Variants in TULP2 observed in about 807,000 individuals in gnomAD.
TULP2 encodes the protein tubby-related protein 2.
TULP2 carries 64 observed loss-of-function variants against 60.3 expected under a neutral mutation model. That is an observed-to-expected ratio of 1.06 (90% CI 0.87 to 1.31). The LOEUF is 1.31. TULP2 is among the 50% of genes most tolerant of loss of function. TULP2 has a pLI of 0.00. For missense variants in TULP2, 652 were observed against 667.0 expected (o/e 0.98, Z 0.25); for synonymous variants, 267 against 265.4 (o/e 1.01, Z -0.06).
At chr19:48,895,846 T>C (rs553302086) in intron 4 of TULP2, among the ~76,000 whole-genome samples, 38 of 152,120 alleles carry the variant, frequency 2.5e-4, no homozygotes, top group African/African-American at 8.7e-4. Flanking sequence ...GCCATTGTAC[T>C]CCAGCTTTGG....
intron 6 of TULP2, among the ~76,000 whole-genome samples, chr19:48,893,047 A>T (rs910529336): frequency 6.6e-6 from 1 of 151,952 alleles, no homozygotes; most frequent in South Asian, 2.1e-4. Flanking sequence ...GTTCAAGACC[A>T]GCCTAGGCAA....
chr19:48,886,132 C>T (rs2037177098), intron 8 of TULP2, among the ~76,000 whole-genome samples: 1 of 151,868 alleles, frequency 6.6e-6, no homozygotes, highest in Non-Finnish European at 1.5e-5. Context: ...CGGTGAAACC[C>T]CGTCTCTACT....
intron 4 of TULP2, 121 bp downstream of exon 4, chr19:48,896,309 C>G: frequency 7.3e-7 from 1 of 1,367,160 alleles, no homozygotes; most frequent in Non-Finnish European, 9.7e-7. Flanking sequence ...GGCCAAGGCC[C>G]GCCCCCATCC....
chr19:48,884,232 G>A (rs73061670), intron 9 of TULP2, among the ~76,000 whole-genome samples, 186 bp from the exon 10 acceptor site: 1,627 of 152,146 alleles, frequency 0.011, 15 homozygotes, highest in Non-Finnish European at 0.016. Context: ...AGGAGGCAGA[G>A]GCAGGAGGAT....
chr19:48,887,311 CTTTTTTTTTTTTTTTTTTTTT>C (rs58640342), intron 8 of TULP2, among the ~76,000 whole-genome samples: 1 of 39,330 alleles, frequency 2.5e-5, no homozygotes, highest in Admixed American at 5.0e-4. Flanking sequence ...GCGCCCAGCC[CTTTTTTTTTTTTTTTTTTTTT>C]TTTTTTTTTT....
chr19:48,889,287 T>A (rs1324556390), intron 7 of TULP2, among the ~76,000 whole-genome samples: 1 of 152,174 alleles, frequency 6.6e-6, no homozygotes, highest in Non-Finnish European at 1.5e-5. Flanking sequence ...TGTATTTTAA[T>A]GGCCATGTCC....
chr19:48,884,097 G>T, intron 9 of TULP2, 51 bp from the exon 10 acceptor site: 1 of 1,470,272 alleles, frequency 6.8e-7, no homozygotes, highest in South Asian at 1.1e-5. Flanking sequence ...GTTACTCTTT[G>T]AGTAAGTGTC....
chr19:48,884,454 T>C (rs2037161678), intron 9 of TULP2, among the ~76,000 whole-genome samples: 1 of 147,748 alleles, frequency 6.8e-6, no homozygotes, highest in Non-Finnish European at 1.5e-5. Flanking sequence ...TAAATAAATA[T>C]ATAAATAAAT....
At chr19:48,891,996 G>A (rs2037237391) in intron 6 of TULP2, among the ~76,000 whole-genome samples, 1 of 152,248 alleles carries the variant, frequency 6.6e-6, no homozygotes, top group Admixed American at 6.5e-5. Context: ...TTGCCGCCAT[G>A]ATGTCTCGCC....
At position 48,897,443 on chromosome 19, in the gene TULP2, T is replaced by C. The variant is rs941952505; in HGVS notation, c.33-47A>G. 9 of 1,602,110 alleles carry C rather than the reference T, an allele frequency of 5.6e-6. No homozygotes were observed. The highest frequency in any genetic ancestry group is 2.7e-5 in the African/African-American group (2 of 74,616). On this transcript the variant is annotated intron_variant, in intron 2 of 12. Coordinates refer to ENST00000221399, the MANE Select transcript of TULP2 (RefSeq NM_003323.3). This position sits in a 1 kb window ranked among gnomAD's most constrained non-coding sequence, Gnocchi z 4.0. ...GGTGACAGTGCACAGGGAACCTCGG[T>C]TGCCCAAGAGAGTCCCTCCTTCCCC...
chr19:48,887,203 A>G lies in TULP2; in HGVS notation c.948+747T>C, dbSNP rs914075862. ...ACTTTTGTATTTTTTAGTAGAGACG[A>G]TGTTTCGCCTTGTTGGCCAGGCTGG... On this transcript the variant is annotated intron_variant, in intron 8 of 12. Transcript: ENST00000221399. Among the ~76,000 whole-genome samples, 4 of 143,764 alleles carry G rather than the reference A, an allele frequency of 2.8e-5. No individual in the cohort carries two copies. The East Asian group carries it at 9.2e-4, about 33-fold the overall frequency. The allele number at this position is 143,764 out of a possible 152,430, so 94.3% of individuals were successfully genotyped here.
chr19:48,895,071 A>T lies in TULP2; in HGVS notation c.441T>A (p.Gly147=). The T allele has an allele frequency of 6.2e-7, 1 of 1,614,122 alleles. No individual in the cohort carries two copies. Among genetic ancestry groups the T allele is most frequent in the Non-Finnish European group, 8.5e-7 (1 of 1,180,030 alleles). ...GTTTAAAAGGTGGGGGAGAGACGGA[A>T]CCATTCTCCACGGAGACTTCCTCCA... ...AELEEVSVEN[G]SVSPPPFKQS... is the part of the protein sequence containing the mutation. The change falls in exon 6 of 13, where the codon GGT becomes GGA. Residue 147 remains glycine (G), a synonymous_variant. Coordinates refer to ENST00000221399, the MANE Select transcript of TULP2 (RefSeq NM_003323.3).
At position 48,897,486 on chromosome 19, in the gene TULP2, A is replaced by C; in HGVS notation, c.33-90T>G. The C allele has an allele frequency of 1.2e-4, 166 of 1,397,870 alleles. No homozygotes were observed. Among genetic ancestry groups the C allele is most frequent in the Non-Finnish European group, 1.5e-4 (152 of 1,002,356 alleles). The allele number at this position is 1,397,870 out of a possible 1,614,324, so 86.6% of individuals were successfully genotyped here. The stretch of plus-strand genomic sequence containing the variant: ...CCTTCCCCCATCCTGCCCCTATCTC[A>C]GCTTGGGTTCTGGGCACCTGTGAGG... On this transcript the variant is annotated intron_variant, in intron 2 of 12. Coordinates refer to ENST00000221399, the MANE Select transcript of TULP2 (RefSeq NM_003323.3). This position sits in a 1 kb window ranked among gnomAD's most constrained non-coding sequence, Gnocchi z 4.0.
chr19:48,883,879 T>G, intron 10 of TULP2, 27 bp from the exon 11 acceptor site: 1 of 1,614,034 alleles, frequency 6.2e-7, no homozygotes, highest in Middle Eastern at 1.6e-4. Context: ...CCAGTTGGCC[T>G]GGTTCCTTCT....
rs149727612 is a variant in TULP2, at chr19:48,896,874, T to C, written c.85-318A>G. The C allele has an allele frequency of 5.9e-5, 18 of 307,550 alleles. No individual in the cohort carries two copies. In the East Asian group the frequency reaches 8.9e-4, roughly 15 times the overall value. The allele number at this position is 307,550 out of a possible 1,614,324, so 19.1% of individuals were successfully genotyped here. On this transcript the variant is annotated intron_variant, in intron 3 of 12. Transcript: ENST00000221399. Reference sequence around the variant, plus strand: ...AGAACCCCCAATTCCTATTTTCTTTTCTTTTTCCTTTCTTACTTTTTTTTT... The same window carrying C: ...AGAACCCCCAATTCCTATTTTCTTTCCTTTTTCCTTTCTTACTTTTTTTTT...
At chr19:48,890,637 G>A (rs1440992106) in intron 6 of TULP2, among the ~76,000 whole-genome samples, 3 of 152,190 alleles carry the variant, frequency 2.0e-5, no homozygotes, top group African/African-American at 7.2e-5. Flanking sequence ...GCTCAGGACA[G>A]CTGGATCCCA....
Position 48,897,340 on chromosome 19 carries a change from A to C in TULP2, c.84+5T>G, listed in dbSNP as rs765464069. The C allele has an allele frequency of 3.7e-6, 6 of 1,613,558 alleles. No homozygotes were observed. The highest frequency in any genetic ancestry group is 2.2e-5 in the East Asian group (1 of 44,870). The stretch of plus-strand genomic sequence containing the variant: ...TTGGAGTGGTGAGATTCCTGGGCAC[A>C]ATACCTGCTGTTCCAGCTTCTGCAG... On this transcript the variant is annotated splice_donor_5th_base_variant and intron_variant, in intron 3 of 12. Transcript: ENST00000221399. The surrounding 1 kb of genome is among the most constrained non-coding windows in gnomAD (Gnocchi z 4.0).
At chr19:48,884,495 G>C (rs1024031324) in intron 9 of TULP2, among the ~76,000 whole-genome samples, 2 of 151,754 alleles carry the variant, frequency 1.3e-5, no homozygotes, top group Admixed American at 1.3e-4. Flanking sequence ...ATGAGGCCGG[G>C]TACGGTGGCT....
chr19:48,887,340 T>TTTTTTTTTTTTTTTTTTTTTTG (rs2037190150), intron 8 of TULP2, among the ~76,000 whole-genome samples: 1 of 90,316 alleles, frequency 1.1e-5, no homozygotes, highest in Admixed American at 1.1e-4. Context: ...TTTTTTTTTT[T>TTTTTTTTTTTTTTTTTTTTTTG]TTTATGCAGA....
Sources: allele counts gnomAD v4.1 joint callset (sites outside exome capture counted in the v4.1 genomes callset), GRCh38; gene constraint gnomAD v4.1.1; non-coding constraint Gnocchi (gnomAD v3.1); transcripts MANE v1.5; gene names NCBI Gene and HGNC (gene_info 2026-07-23, HGNC 2026-07-21).